The following WDPCP variants were observed in gnomAD, a reference collection of about 807,000 sequenced individuals.
WDPCP encodes WD repeat-containing and planar cell polarity effector protein fritz homolog.
A neutral mutation model predicts 93.1 loss-of-function variants in WDPCP; 71 were observed. That is an observed-to-expected ratio of 0.76 (90% CI 0.63 to 0.93). The LOEUF is 0.93. Ranked by LOEUF, WDPCP falls within the 40% of genes least tolerant of loss-of-function variation. The pLI is 0.00. For synonymous variants in WDPCP, 315 were observed against 315.0 expected (o/e 1.00, Z 0.00); for missense variants, 844 against 887.4 (o/e 0.95, Z 0.62).
At chr2:63,644,494 G>A (rs767553638) in intron 3 of WDPCP, among the ~76,000 whole-genome samples, 33 of 152,066 alleles carry the variant, frequency 2.2e-4, no homozygotes, top group African/African-American at 6.7e-4. Context: ...CACCCACCTC[G>A]GCCTCCCAAA....
chr2:63,496,450 C>A (rs1043886012), intron 1 of WDPCP, among the ~76,000 whole-genome samples: 1 of 152,096 alleles, frequency 6.6e-6, no homozygotes, highest in Non-Finnish European at 1.5e-5. Context: ...TTTGAAAGTC[C>A]TAAATTAATC....
rs1337376095 is a variant in WDPCP, at chr2:63,513,168, T to C, written c.76-20228A>G. On this transcript the variant is annotated intron_variant, in intron 1 of 17. Coordinates refer to ENST00000272321, the MANE Select transcript of WDPCP (RefSeq NM_015910.7). ...GGGGAAGTTGGGAATGAAGAAATAA[T>C]AGGTCTATTAAAAAAGCACATTTAA... Among the ~76,000 whole-genome samples, 52 of 152,118 alleles carry C rather than the reference T, an allele frequency of 3.4e-4. 1 individual carries two copies. Among genetic ancestry groups the C allele is most frequent in the Admixed American group, 3.4e-3 (52 of 15,278 alleles).
Position 63,810,371 on chromosome 2 carries a change from A to G in WDPCP, n.308+3251T>C, listed in dbSNP as rs75705098. On this transcript the variant is annotated intron_variant and non_coding_transcript_variant, in intron 2 of 4. Coordinates refer to the WDPCP transcript ENST00000467687. ...TTTTCTAAAAAGATACAGGCATATA[A>G]AAAGTTATAAAAGTGTTATAGGTAC... Among the ~76,000 whole-genome samples, 27 of 152,376 alleles carry G rather than the reference A, an allele frequency of 1.8e-4. No homozygotes were observed. In the East Asian group the frequency reaches 5.2e-3, roughly 29 times the overall value.
intron 9 of WDPCP, among the ~76,000 whole-genome samples, chr2:63,427,980 A>G (rs868809634): frequency 6.6e-6 from 1 of 152,180 alleles, no homozygotes; most frequent in Admixed American, 6.5e-5. Flanking sequence ...ATCTGTAGGA[A>G]ATAGATACAT....
intron 14 of WDPCP, among the ~76,000 whole-genome samples, chr2:63,186,553 C>T (rs138410578): frequency 1.6e-4 from 24 of 152,360 alleles, no homozygotes; most frequent in Admixed American, 5.9e-4. Flanking sequence ...CCTGGCCTCT[C>T]GCCATGTTAG....
Position 63,766,319 on chromosome 2 carries a change from A to G in WDPCP, n.308+47303T>C, listed in dbSNP as rs527922016. Among the ~76,000 whole-genome samples, 3 of 152,108 alleles carry G rather than the reference A, an allele frequency of 2.0e-5. No individual in the cohort carries two copies. The East Asian group carries it at 5.8e-4, about 29-fold the overall frequency. On this transcript the variant is annotated intron_variant and non_coding_transcript_variant, in intron 2 of 4. Coordinates refer to the WDPCP transcript ENST00000467687. ...TAAAGAAATTAGGCTGGAAGTAAAT[A>G]TGCCCAAATATTAAATTTTTTTTTT...
At chr2:63,539,185 T>A (rs1249694493) in intron 1 of WDPCP, among the ~76,000 whole-genome samples, 1 of 152,216 alleles carries the variant, frequency 6.6e-6, no homozygotes, top group Admixed American at 6.5e-5. Context: ...AAAATTTATA[T>A]TTTCTACTAA....
chr2:63,721,551 A>G (rs958474523), intron 2 of WDPCP, among the ~76,000 whole-genome samples: 5 of 152,104 alleles, frequency 3.3e-5, no homozygotes, highest in Non-Finnish European at 7.4e-5. Context: ...ATATAAATAA[A>G]TTTTTAAAAT....
chr2:63,283,167 T>C (rs1372870658), intron 13 of WDPCP, among the ~76,000 whole-genome samples: 1 of 152,208 alleles, frequency 6.6e-6, no homozygotes, highest in Non-Finnish European at 1.5e-5. Flanking sequence ...AAATGTTTTT[T>C]AATCGCTTGT....
chr2:63,811,640 A>C (rs1338283839), intron 2 of WDPCP, among the ~76,000 whole-genome samples: 2 of 149,770 alleles, frequency 1.3e-5, no homozygotes, highest in African/African-American at 5.0e-5. Context: ...CAGGGAGTAC[A>C]TGTGCAGGTA....
At chr2:63,809,920 A>T (rs922022086) in intron 2 of WDPCP, among the ~76,000 whole-genome samples, 3 of 151,680 alleles carry the variant, frequency 2.0e-5, no homozygotes, top group Non-Finnish European at 2.9e-5. Flanking sequence ...AAAAATAAAT[A>T]AATAAATAAA....
chr2:63,323,479 T>A (rs1021290551), intron 12 of WDPCP, among the ~76,000 whole-genome samples: 4 of 152,202 alleles, frequency 2.6e-5, no homozygotes, highest in Middle Eastern at 3.2e-3. Flanking sequence ...AAGCTATTCC[T>A]GAAGCTAGAA....
At chr2:63,604,686 A>G (rs1036377357) in intron 3 of WDPCP, 3 of 1,608,488 alleles carry the variant, frequency 1.9e-6, no homozygotes, top group Non-Finnish European at 2.5e-6. Flanking sequence ...TTTGTTTTCA[A>G]TTTAACTAGA....
intron 3 of WDPCP, among the ~76,000 whole-genome samples, chr2:63,615,030 T>C (rs1261410158): frequency 1.3e-5 from 2 of 152,334 alleles, no homozygotes; most frequent in African/African-American, 2.4e-5. Flanking sequence ...GTTTTTGTTA[T>C]AGTGAGAGAG....
intron 17 of WDPCP, among the ~76,000 whole-genome samples, chr2:63,147,688 G>A (rs1671610275): frequency 6.6e-6 from 1 of 152,158 alleles, no homozygotes; most frequent in Admixed American, 6.5e-5. Context: ...AGCCTAATAG[G>A]CTGGGTGCGG....
chr2:63,746,426 C>T lies in WDPCP; in HGVS notation n.308+67196G>A, dbSNP rs141860963. On this transcript the variant is annotated intron_variant and non_coding_transcript_variant, in intron 2 of 4. Transcript: ENST00000467687. ...GGGCACCTTAAGAACAGGATAACAG[C>T]GATTTTCAGGGAACAAGGGAGATAA... 6.1e-3 allele frequency among the ~76,000 whole-genome samples: 934 copies of T among 152,234 alleles called. 13 individuals are homozygous for T. Among genetic ancestry groups the T allele is most frequent in the African/African-American group, 0.021 (856 of 41,534 alleles).
chr2:63,338,570 ATATATATATATATATATATATATAT>A (rs1558490423), intron 12 of WDPCP, among the ~76,000 whole-genome samples: 2 of 5,318 alleles, frequency 3.8e-4, no homozygotes, highest in African/African-American at 2.0e-3. Context: ...AAAAAAAAAA[ATATATATATATATATATATATATAT>A]ATATATATAT....
chr2:63,153,804 C>T (rs1388349502), intron 15 of WDPCP, among the ~76,000 whole-genome samples: 3 of 151,612 alleles, frequency 2.0e-5, no homozygotes, highest in Admixed American at 6.6e-5. Context: ...AATATTTTAC[C>T]GGACATTTCA....
At position 63,186,939 on chromosome 2, in the gene WDPCP, T is replaced by A. The variant is rs564025210; in HGVS notation, c.1916-12107A>T. On this transcript the variant is annotated intron_variant, in intron 14 of 17. Transcript: ENST00000272321. ...TCTTATCTTATATCTGGTGGTCCTATCCATTATTGAAAGTGGGCTATTGAA... is the reference window on the plus strand; with the variant it reads ...TCTTATCTTATATCTGGTGGTCCTAACCATTATTGAAAGTGGGCTATTGAA... Among the ~76,000 whole-genome samples the A allele has an allele frequency of 2.6e-5, 4 of 152,190 alleles. No individual in the cohort carries two copies. In the East Asian group the frequency reaches 7.7e-4, roughly 29 times the overall value.
Sources: gnomAD v4.1 joint callset for allele counts (sites outside exome capture counted in the v4.1 genomes callset) on GRCh38, gnomAD v4.1.1 for gene constraint, MANE v1.5 for transcripts, NCBI Gene and HGNC (gene_info 2026-07-23, HGNC 2026-07-21) for gene names.